The following DUSP22 variants were observed in gnomAD, a reference collection of about 807,000 sequenced individuals.
DUSP22 encodes dual specificity protein phosphatase 22.
DUSP22 carries 24 observed loss-of-function variants against 24.5 expected under a neutral mutation model. The ratio of observed to expected loss-of-function variants is 0.98; its 90% CI spans 0.71 to 1.38. DUSP22 has a LOEUF of 1.38. DUSP22 is among the 40% of genes most tolerant of loss of function. The probability of loss-of-function intolerance (pLI) is 0.00; values close to 1 mark genes in which losing one functional copy is unlikely to be tolerated. For missense variants in DUSP22, 330 were observed against 269.2 expected, an observed-to-expected ratio of 1.23 and a Z score of -1.58; for synonymous variants, 160 against 106.4, an observed-to-expected ratio of 1.50 and a Z score of -3.10.
At chr6:309,120 T>C (rs1757953383) in intron 2 of DUSP22, among the ~76,000 whole-genome samples, 1 of 152,308 alleles carries the variant, frequency 6.6e-6, no homozygotes, top group Non-Finnish European at 1.5e-5. Context: ...AATTCTAAGC[T>C]AGCCTTGCTG....
chr6:341,439 T>C (rs1759602422), intron 4 of DUSP22, among the ~76,000 whole-genome samples: 3 of 152,306 alleles, frequency 2.0e-5, no homozygotes, highest in Non-Finnish European at 4.4e-5. Context: ...ATGACCAGAG[T>C]TGGGGCTTCT....
At chr6:295,620 CAAAA>C (rs61568173) in intron 1 of DUSP22, among the ~76,000 whole-genome samples, 4 of 149,998 alleles carry the variant, frequency 2.7e-5, no homozygotes, top group African/African-American at 7.3e-5. Context: ...ACCAAAAATA[CAAAA>C]AAAAAACCCA....
chr6:323,809 C>T (rs977485502), intron 3 of DUSP22, among the ~76,000 whole-genome samples: 18 of 152,420 alleles, frequency 1.2e-4, no homozygotes, highest in African/African-American at 2.6e-4. Flanking sequence ...GGCAGAGCCT[C>T]GCCGGGGTAG....
At chr6:319,049 C>T (rs986935700) in intron 3 of DUSP22, among the ~76,000 whole-genome samples, 1 of 152,214 alleles carries the variant, frequency 6.6e-6, no homozygotes, top group Non-Finnish European at 1.5e-5. Context: ...TTGAAAGGAC[C>T]AGGCCAGACT....
At chr6:329,087 T>C (rs909359349) in intron 3 of DUSP22, among the ~76,000 whole-genome samples, 1 of 152,306 alleles carries the variant, frequency 6.6e-6, no homozygotes, top group Admixed American at 6.5e-5. Context: ...TCTCTTATGC[T>C]TTCTGTGGAA....
chr6:306,590 C>T (rs563062213), intron 2 of DUSP22, among the ~76,000 whole-genome samples: 6 of 152,414 alleles, frequency 3.9e-5, no homozygotes, highest in South Asian at 2.1e-4. Flanking sequence ...TTTATTCACT[C>T]GTTAGCCAAA....
At chr6:337,175 G>T (rs1343296660) in intron 4 of DUSP22, 1 of 152,574 alleles carries the variant, frequency 6.6e-6, no homozygotes, top group Admixed American at 6.5e-5. Context: ...GTGACCCCTT[G>T]CACTATAGAC....
chr6:331,462 T>G (rs1190302184), intron 3 of DUSP22, among the ~76,000 whole-genome samples: 3 of 152,310 alleles, frequency 2.0e-5, no homozygotes, highest in Non-Finnish European at 4.4e-5. Flanking sequence ...TGTTATACTT[T>G]CCATAATTTA....
At chr6:334,230 A>G (rs1450397064) in intron 3 of DUSP22, among the ~76,000 whole-genome samples, 4 of 152,306 alleles carry the variant, frequency 2.6e-5, no homozygotes, top group African/African-American at 9.6e-5. Flanking sequence ...CACGGTGGCA[A>G]GATTCTGTGA....
intron 3 of DUSP22, among the ~76,000 whole-genome samples, chr6:322,815 G>C (rs2127404899): frequency 6.8e-6 from 1 of 146,120 alleles, no homozygotes; most frequent in African/African-American, 2.5e-5. Context: ...GATTCCGTGG[G>C]TTATGGCTGC....
chr6:302,999 C>T (rs1386018377), intron 1 of DUSP22, among the ~76,000 whole-genome samples: 1 of 152,304 alleles, frequency 6.6e-6, no homozygotes, highest in East Asian at 1.9e-4. Context: ...GGGCAAGGAC[C>T]AGGCCTTGTT....
chr6:318,230 C>T (rs1313338001), intron 3 of DUSP22, among the ~76,000 whole-genome samples: 1 of 152,304 alleles, frequency 6.6e-6, no homozygotes, highest in Non-Finnish European at 1.5e-5. Context: ...CTTGGCTCTA[C>T]AAAGAGGACC....
intron 3 of DUSP22, chr6:319,972 A>G (rs1334187182): frequency 6.6e-6 from 1 of 152,400 alleles, no homozygotes; most frequent in Non-Finnish European, 1.5e-5. Context: ...TCTTGAAGCA[A>G]GCTGTATCTA....
chr6:328,911 A>C (rs1306789807), intron 3 of DUSP22, among the ~76,000 whole-genome samples: 1 of 152,312 alleles, frequency 6.6e-6, no homozygotes, highest in Non-Finnish European at 1.5e-5. Context: ...AAGTTTTTCC[A>C]GGTGTAATCT....
At chr6:343,444 C>T (rs1234994745) in intron 4 of DUSP22, among the ~76,000 whole-genome samples, 14 of 151,158 alleles carry the variant, frequency 9.3e-5, no homozygotes, top group South Asian at 4.2e-4. Flanking sequence ...AGTCTGCTCA[C>T]GCTGCTGTGG....
chr6:320,609 G>A (rs546990998), intron 3 of DUSP22, among the ~76,000 whole-genome samples: 22 of 152,412 alleles, frequency 1.4e-4, no homozygotes, highest in Admixed American at 9.1e-4. Flanking sequence ...GCCAGTCCAC[G>A]CAAGGGCTGC....
intron 4 of DUSP22, among the ~76,000 whole-genome samples, chr6:340,526 A>G (rs1307604660): frequency 1.3e-5 from 2 of 152,302 alleles, no homozygotes; most frequent in Non-Finnish European, 2.9e-5. Context: ...AACAAGCAAA[A>G]ACTTTTTTTT....
intron 1 of DUSP22, 86 bp downstream of exon 1, chr6:292,646 C>T (rs1757141407): frequency 6.6e-7 from 1 of 1,509,066 alleles, no homozygotes; most frequent in Non-Finnish European, 8.9e-7. Flanking sequence ...ACGACTCGAG[C>T]CCGGGGTGCC....
chr6:317,668 G>A (rs752878370), intron 3 of DUSP22, among the ~76,000 whole-genome samples: 274 of 152,326 alleles, frequency 1.8e-3, no homozygotes, highest in Non-Finnish European at 2.7e-3. Context: ...GCTTTATGAC[G>A]TAAGTGTTCA....
Sources: allele counts gnomAD v4.1 joint callset (sites outside exome capture counted in the v4.1 genomes callset), GRCh38; gene constraint gnomAD v4.1.1; transcripts MANE v1.5; gene names NCBI Gene and HGNC (gene_info 2026-07-23, HGNC 2026-07-21).